The following PVT1 variants were observed in gnomAD, a reference collection of about 807,000 sequenced individuals.
The protein encoded by PVT1 is Pvt1 oncogene.
chr8:127,851,174 G>C (rs1206743673), intron 2 of PVT1, among the ~76,000 whole-genome samples: 1 of 152,176 alleles, frequency 6.6e-6, no homozygotes, highest in East Asian at 1.9e-4. Flanking sequence ...TTTGGCAGGT[G>C]GGTGGTGAAT....
At chr8:128,096,837 A>T (rs1459931717) in intron 6 of PVT1, among the ~76,000 whole-genome samples, 1 of 152,242 alleles carries the variant, frequency 6.6e-6, no homozygotes, top group Non-Finnish European at 1.5e-5. Context: ...CTCCAGCCTC[A>T]GGTGCTTCTT....
intron 2 of PVT1, among the ~76,000 whole-genome samples, chr8:127,857,541 G>A (rs897193952): frequency 1.3e-5 from 2 of 152,164 alleles, no homozygotes; most frequent in African/African-American, 2.4e-5. Flanking sequence ...GCATGGTGGT[G>A]TGTGCCTATA....
chr8:128,092,896 G>A (rs906449715), intron 5 of PVT1, among the ~76,000 whole-genome samples: 5 of 152,018 alleles, frequency 3.3e-5, no homozygotes, highest in African/African-American at 4.8e-5. Flanking sequence ...CTTCCATCCC[G>A]CTCTCTGGGG....
intron 5 of PVT1, among the ~76,000 whole-genome samples, chr8:128,071,832 C>G (rs1042321772): frequency 1.3e-5 from 2 of 152,080 alleles, no homozygotes; most frequent in African/African-American, 4.8e-5. Flanking sequence ...CTTGGCAGCC[C>G]TCTGAGAGCA....
chr8:128,088,424 G>A (rs995721545), intron 5 of PVT1, among the ~76,000 whole-genome samples: 3 of 152,194 alleles, frequency 2.0e-5, no homozygotes, highest in Non-Finnish European at 2.9e-5. Flanking sequence ...GGTCATACCT[G>A]AGGTGGAGAA....
At chr8:128,034,681 T>G (rs1813441036) in intron 4 of PVT1, among the ~76,000 whole-genome samples, 1 of 152,214 alleles carries the variant, frequency 6.6e-6, no homozygotes, top group African/African-American at 2.4e-5. Context: ...CCAGATCACT[T>G]AGCTCTAACT....
intron 4 of PVT1, chr8:128,010,413 T>A (rs572937137): frequency 6.6e-6 from 1 of 152,310 alleles, no homozygotes; most frequent in East Asian, 1.9e-4. Flanking sequence ...TTTACAAGAT[T>A]TAACCTGTCA....
chr8:128,060,915 T>TC (rs539911934), intron 4 of PVT1, among the ~76,000 whole-genome samples: 7 of 147,850 alleles, frequency 4.7e-5, no homozygotes, highest in Non-Finnish European at 1.0e-4. Flanking sequence ...CTTTTTTTTT[T>TC]TTTTTTTTTT....
intron 2 of PVT1, among the ~76,000 whole-genome samples, chr8:127,862,509 T>A (rs1352935230): frequency 6.6e-6 from 1 of 152,186 alleles, no homozygotes; most frequent in Non-Finnish European, 1.5e-5. Context: ...CAGTTCATAG[T>A]TCATAGCTTA....
Position 128,088,062 on chromosome 8 carries a change from A to G in PVT1, n.1115-8456A>G, listed in dbSNP as rs201478056. 6.4e-4 allele frequency among the ~76,000 whole-genome samples: 98 copies of G among 152,228 alleles called. No individual in the cohort carries two copies. In the East Asian group the frequency reaches 0.015, roughly 23 times the overall value. ...GTGTAAGCCACCGTGCCCAGCCGCT[A>G]CTTGTTTTTTTTCCCTCAAGACATA... On this transcript the variant is annotated intron_variant and non_coding_transcript_variant, in intron 5 of 10. Coordinates refer to ENST00000651587, the Ensembl canonical transcript of PVT1.
At chr8:127,864,608 C>CG (rs1815266576) in intron 2 of PVT1, among the ~76,000 whole-genome samples, 1 of 151,910 alleles carries the variant, frequency 6.6e-6, no homozygotes, top group African/African-American at 2.4e-5. Context: ...AGTGCAGTGG[C>CG]GCGATCTCGG....
At chr8:128,029,134 A>G (rs7009379) in intron 4 of PVT1, among the ~76,000 whole-genome samples, 8,028 of 150,968 alleles carry the variant, frequency 0.053, 687 homozygotes, top group African/African-American at 0.18. Context: ...CACCACCACC[A>G]TGGCTGGCTA....
chr8:128,016,539 G>A (rs2130045755), intron 4 of PVT1, among the ~76,000 whole-genome samples: 1 of 152,292 alleles, frequency 6.6e-6, no homozygotes, highest in South Asian at 2.1e-4. Context: ...CACCATGAAT[G>A]GAATGGCTAA....
chr8:127,909,735 T>C (rs934815696), intron 3 of PVT1, among the ~76,000 whole-genome samples: 1 of 151,890 alleles, frequency 6.6e-6, no homozygotes, highest in East Asian at 1.9e-4. Context: ...GTCCCCAGAA[T>C]TGGGGGCCTC....
intron 3 of PVT1, among the ~76,000 whole-genome samples, chr8:127,893,556 G>A (rs2129809533): frequency 6.6e-6 from 1 of 152,332 alleles, no homozygotes; most frequent in Middle Eastern, 3.4e-3. Flanking sequence ...CTGTTTTACT[G>A]TTGAAGTAAC....
chr8:128,046,120 A>T (rs1008491771), intron 4 of PVT1, among the ~76,000 whole-genome samples: 1 of 152,084 alleles, frequency 6.6e-6, no homozygotes, highest in African/African-American at 2.4e-5. Context: ...GAACCTTCTC[A>T]CTCTTGCTCA....
intron 3 of PVT1, among the ~76,000 whole-genome samples, chr8:127,931,713 G>A (rs750265536): frequency 6.6e-6 from 1 of 152,212 alleles, no homozygotes; most frequent in Non-Finnish European, 1.5e-5. Flanking sequence ...GAGCCTGCAG[G>A]ATGAGGCCAT....
At chr8:127,848,917 T>C (rs1408937898) in intron 2 of PVT1, among the ~76,000 whole-genome samples, 5 of 152,158 alleles carry the variant, frequency 3.3e-5, no homozygotes, top group African/African-American at 7.2e-5. Flanking sequence ...TAGAGAGGAC[T>C]GAAGCCCTCC....
rs548180323 is a variant in PVT1, at chr8:127,897,478, G to T, written n.782+6480G>T. On this transcript the variant is annotated intron_variant and non_coding_transcript_variant, in intron 3 of 10. Transcript: ENST00000651587. ...ATGAAGAAAGAAAGTAAGAAAGAAA[G>T]AGAGAAAGAGAGAAAGAAAGGAAGG... Among the ~76,000 whole-genome samples, 11 of 149,296 alleles carry T rather than the reference G, an allele frequency of 7.4e-5. No individual in the cohort carries two copies. In the South Asian group the frequency reaches 2.3e-3, roughly 32 times the overall value.
Sources: gnomAD v4.1 joint callset for allele counts (sites outside exome capture counted in the v4.1 genomes callset) on GRCh38, gnomAD v4.1.1 for gene constraint, MANE v1.5 for transcripts, NCBI Gene and HGNC (gene_info 2026-07-23, HGNC 2026-07-21) for gene names.